SNX29: variants seen among roughly 807,000 people sequenced by gnomAD.
SNX29 encodes sorting nexin-29.
In SNX29, 78 loss-of-function variants were observed where a neutral mutation model predicts 102.1. The observed-to-expected ratio is 0.76, with a 90% CI of 0.64 to 0.92. The LOEUF is 0.92. Among genes scored for constraint, SNX29 ranks in the 40% least tolerant of loss-of-function variants. SNX29 has a pLI of 0.00. For missense variants in SNX29, 1,280 were observed against 1,061.7 expected (o/e 1.21, Z -2.86); for synonymous variants, 580 against 414.5 (o/e 1.40, Z -4.85).
rs768324496 is a variant in SNX29 at position 12,571,480 on chromosome 16, A to G, written c.*2851A>G. ...AGAACAGAAGCCCCCTCCCCTACTC[A>G]GAGAGGAACGAGGGTGGCCCACCTC... is the stretch of plus-strand genomic sequence containing the variant. On this transcript the variant is annotated 3_prime_UTR_variant, in exon 21 of 21. Transcript: ENST00000566228. The G allele has an allele frequency of 1.8e-5, 5 of 282,838 alleles. No homozygotes were observed. Among genetic ancestry groups the G allele is most frequent in the Non-Finnish European group, 3.0e-5 (5 of 164,336 alleles). 17.5% of individuals were successfully genotyped at this position (282,838 alleles called of 1,614,324 possible). A position where few individuals can be genotyped will look rare whatever the true frequency, so the allele number is the denominator to read the frequency against.
At chr16:12,409,502 C>T (rs1259320783) in intron 18 of SNX29, among the ~76,000 whole-genome samples, 1 of 132,276 alleles carries the variant, frequency 7.6e-6, no homozygotes, top group Non-Finnish European at 1.5e-5. Flanking sequence ...AATCTTGGTT[C>T]ACTGCAAGCT....
At chr16:12,554,749 T>C (rs1265324570) in intron 20 of SNX29, among the ~76,000 whole-genome samples, 1 of 152,076 alleles carries the variant, frequency 6.6e-6, no homozygotes, top group Non-Finnish European at 1.5e-5. Context: ...TTTCCTTAAG[T>C]GTATTAGAAC....
At chr16:12,131,329 A>G (rs1311095222) in intron 13 of SNX29, among the ~76,000 whole-genome samples, 1 of 152,258 alleles carries the variant, frequency 6.6e-6, no homozygotes, top group East Asian at 1.9e-4. Context: ...AGAAAGCTGC[A>G]AAGTAAACCA....
At position 12,531,718 on chromosome 16, in the gene SNX29, G is replaced by A. The variant is rs868717291; in HGVS notation, c.2318+6877G>A. Among the ~76,000 whole-genome samples, 5 of 152,180 alleles carry A rather than the reference G, an allele frequency of 3.3e-5. No homozygotes were observed. The South Asian group carries it at 6.2e-4, about 19-fold the overall frequency. ...TCAAGGGGACAAGGAGGGGAAGCCC[G>A]CTTGGGAGCAGATGAGATGAAAAGG... On this transcript the variant is annotated intron_variant, in intron 20 of 20. Coordinates refer to ENST00000566228, the MANE Select transcript of SNX29 (RefSeq NM_032167.5).
chr16:12,371,589 G>A lies in SNX29; in HGVS notation c.1899+15310G>A, dbSNP rs150336567. On this transcript the variant is annotated intron_variant, in intron 16 of 20. Transcript: ENST00000566228. ...CAAAGTGCTGGGATTATAGGCGTGA[G>A]CCACTGCACCCAGCCAGATTTTTAT... Among the ~76,000 whole-genome samples the A allele has an allele frequency of 6.2e-4, 94 of 152,308 alleles. 1 individual carries two copies. In the East Asian group the frequency reaches 0.011, roughly 18 times the overall value.
intron 4 of SNX29, among the ~76,000 whole-genome samples, chr16:12,034,286 C>T (rs1314646606): frequency 1.3e-5 from 2 of 152,170 alleles, no homozygotes; most frequent in Non-Finnish European, 2.9e-5. Context: ...GAGGGGAAGT[C>T]CAGTTCCTCA....
At chr16:12,174,529 C>T (rs557598879) in intron 13 of SNX29, among the ~76,000 whole-genome samples, 1 of 152,112 alleles carries the variant, frequency 6.6e-6, no homozygotes, top group Non-Finnish European at 1.5e-5. Context: ...GGGATTTTGG[C>T]CAACTCTGCA....
intron 14 of SNX29, among the ~76,000 whole-genome samples, chr16:12,221,476 T>C (rs983899535): frequency 2.6e-5 from 4 of 152,184 alleles, no homozygotes; most frequent in Admixed American, 2.6e-4. Context: ...TAGCTGGGCA[T>C]GGTGGCACAC....
At chr16:12,437,280 T>G (rs989723063) in intron 18 of SNX29, among the ~76,000 whole-genome samples, 5 of 152,228 alleles carry the variant, frequency 3.3e-5, no homozygotes, top group African/African-American at 1.2e-4. Flanking sequence ...CTTTTCTCTT[T>G]CTCTCTTTCA....
intron 18 of SNX29, 130 bp downstream of exon 18, chr16:12,403,659 A>G (rs762732057): frequency 3.5e-6 from 3 of 857,458 alleles, no homozygotes; most frequent in Non-Finnish European, 3.7e-6. Context: ...AGACACCCAC[A>G]TCTTAACTGC....
chr16:12,560,964 C>T (rs901875198), intron 20 of SNX29: 1 of 212,174 alleles, frequency 4.7e-6, no homozygotes, highest in African/African-American at 2.3e-5. Flanking sequence ...CCAGACCTGC[C>T]TTCAAGGAAC....
intron 10 of SNX29, among the ~76,000 whole-genome samples, chr16:12,074,652 C>A (rs1427149942): frequency 6.6e-6 from 1 of 152,064 alleles, no homozygotes; most frequent in African/African-American, 2.4e-5. Flanking sequence ...CTTGGAGTTG[C>A]TCTTCTCCAG....
At chr16:12,552,807 G>A (rs1597963457) in intron 20 of SNX29, among the ~76,000 whole-genome samples, 1 of 152,196 alleles carries the variant, frequency 6.6e-6, no homozygotes, top group Non-Finnish European at 1.5e-5. Flanking sequence ...CTGGAGGAGA[G>A]AACAGCCAAC....
chr16:12,391,722 A>G, intron 16 of SNX29, among the ~76,000 whole-genome samples: 1 of 152,180 alleles, frequency 6.6e-6, no homozygotes, highest in East Asian at 1.9e-4. Context: ...TTCTCCCAAA[A>G]TACTTCAGTA....
At chr16:12,172,793 G>A (rs941862246) in intron 13 of SNX29, among the ~76,000 whole-genome samples, 21 of 152,008 alleles carry the variant, frequency 1.4e-4, no homozygotes, top group African/African-American at 5.1e-4. Flanking sequence ...ATTCAAAGAG[G>A]TAAAGTAATG....
At chr16:12,278,474 G>GAA (rs201964056) in intron 15 of SNX29, among the ~76,000 whole-genome samples, 6 of 145,020 alleles carry the variant, frequency 4.1e-5, no homozygotes, top group South Asian at 2.2e-4. Flanking sequence ...CAAAAGAAAA[G>GAA]AAAAAAAAAA....
At chr16:12,235,568 G>A (rs2077901388) in intron 14 of SNX29, among the ~76,000 whole-genome samples, 2 of 151,216 alleles carry the variant, frequency 1.3e-5, no homozygotes, top group African/African-American at 4.9e-5. Context: ...TTCCTATATT[G>A]ATATATTTTC....
intron 8 of SNX29, chr16:12,052,466 C>T: frequency 2.4e-6 from 1 of 421,318 alleles, no homozygotes; most frequent in East Asian, 5.0e-5. Context: ...ATCTGCCTGC[C>T]TTGGCCTCCC....
chr16:12,198,203 A>G (rs1224686844), intron 13 of SNX29, among the ~76,000 whole-genome samples: 2 of 152,204 alleles, frequency 1.3e-5, no homozygotes, highest in African/African-American at 2.4e-5. Flanking sequence ...GGTTTTTGCC[A>G]TTGGTTACCA....
Sources: allele counts gnomAD v4.1 joint callset (sites outside exome capture counted in the v4.1 genomes callset), GRCh38; gene constraint gnomAD v4.1.1; transcripts MANE v1.5; gene names NCBI Gene and HGNC (gene_info 2026-07-23, HGNC 2026-07-21).